Variants in BASP1 observed in about 807,000 individuals in gnomAD.
BASP1 encodes the protein brain abundant membrane attached signal protein 1.
Under a neutral mutation model 2.2 loss-of-function variants are expected in BASP1, and 1 was observed. The ratio of observed to expected loss-of-function variants is 0.46; its 90% CI spans 0.16 to 2.17. BASP1 has a LOEUF of 2.17. BASP1 is among the 30% of genes most tolerant of loss of function. The pLI is 0.27. For missense variants in BASP1, 352 were observed against 327.2 expected, an observed-to-expected ratio of 1.08 and a Z score of -0.58; for synonymous variants, 187 against 154.2, an observed-to-expected ratio of 1.21 and a Z score of -1.58.
At chr5:17,253,610 G>A (rs1384304615) in intron 1 of BASP1, among the ~76,000 whole-genome samples, 1 of 152,158 alleles carries the variant, frequency 6.6e-6, no homozygotes, top group African/African-American at 2.4e-5. Flanking sequence ...GTTTCTTTCT[G>A]TGTAGTCTTG....
intron 1 of BASP1, 56 bp downstream of exon 1, chr5:17,217,866 C>T (rs1445870481): frequency 6.6e-6 from 1 of 151,958 alleles, no homozygotes; most frequent in African/African-American, 2.4e-5. Flanking sequence ...GCCTCCGTCC[C>T]CCACCGCGCC....
At chr5:17,252,467 A>G (rs1740122228) in intron 1 of BASP1, among the ~76,000 whole-genome samples, 2 of 152,162 alleles carry the variant, frequency 1.3e-5, no homozygotes, top group African/African-American at 4.8e-5. Context: ...TGTGCCATGC[A>G]GCAGAAAGGG....
intron 1 of BASP1, among the ~76,000 whole-genome samples, chr5:17,225,655 T>C (rs768922893): frequency 2.0e-5 from 3 of 152,192 alleles, no homozygotes; most frequent in African/African-American, 4.8e-5. Flanking sequence ...TTGGGGGCTA[T>C]AGAGCAAGCG....
At chr5:17,229,891 C>G (rs764929054) in intron 1 of BASP1, among the ~76,000 whole-genome samples, 1 of 150,376 alleles carries the variant, frequency 6.6e-6, no homozygotes, top group Non-Finnish European at 1.5e-5. Flanking sequence ...TCAAGCAGTT[C>G]TCTGCCTCAG....
Position 17,276,243 on chromosome 5 carries a change from C to G in BASP1, c.*343C>G, listed in dbSNP as rs1740660050. 1 of 200,098 alleles carries G rather than the reference C, an allele frequency of 5.0e-6. No homozygotes were observed. The highest frequency in any genetic ancestry group is 6.2e-5 in the Admixed American group (1 of 16,214). 12.4% of individuals were successfully genotyped at this position (200,098 alleles called of 1,614,324 possible). A position where few individuals can be genotyped will look rare whatever the true frequency, so the allele number is the denominator to read the frequency against. ...GTACATCGTTTGTACCTGAAACTGC[C>G]GCCACATGCACTCCTCCACCGCTGA... On this transcript the variant is annotated 3_prime_UTR_variant, in exon 2 of 2. Transcript: ENST00000322611.
intron 1 of BASP1, chr5:17,240,817 T>C (rs948345103): frequency 6.6e-6 from 1 of 152,094 alleles, no homozygotes; most frequent in South Asian, 2.1e-4. Context: ...TGATTCTTTA[T>C]AAATTACCCA....
chr5:17,228,006 G>T (rs1270923408), intron 1 of BASP1, among the ~76,000 whole-genome samples: 1 of 152,206 alleles, frequency 6.6e-6, no homozygotes, highest in Non-Finnish European at 1.5e-5. Flanking sequence ...CCAGAAGGTT[G>T]TTAAGACAAG....
intron 1 of BASP1, among the ~76,000 whole-genome samples, chr5:17,255,996 CA>C (rs1237538112): frequency 2.0e-5 from 3 of 152,092 alleles, no homozygotes; most frequent in Admixed American, 6.6e-5. Context: ...GTCTTTGAAT[CA>C]GAAGGAATTT....
At chr5:17,249,536 C>T (rs1740060098) in intron 1 of BASP1, among the ~76,000 whole-genome samples, 1 of 152,136 alleles carries the variant, frequency 6.6e-6, no homozygotes, top group Admixed American at 6.5e-5. Flanking sequence ...AGGCATTTTC[C>T]TGGCATACAC....
intron 1 of BASP1, among the ~76,000 whole-genome samples, chr5:17,219,541 C>T (rs909621782): frequency 3.3e-5 from 5 of 152,186 alleles, no homozygotes; most frequent in African/African-American, 9.6e-5. Flanking sequence ...TTTCCTGTAA[C>T]ATATCTTACT....
intron 1 of BASP1, among the ~76,000 whole-genome samples, chr5:17,245,337 A>C (rs1220010055): frequency 6.6e-6 from 1 of 151,926 alleles, no homozygotes; most frequent in Non-Finnish European, 1.5e-5. Flanking sequence ...CAGTGTTGAA[A>C]TGTGACATTT....
chr5:17,243,738 T>C (rs1739919286), intron 1 of BASP1, among the ~76,000 whole-genome samples: 1 of 152,228 alleles, frequency 6.6e-6, no homozygotes, highest in Admixed American at 6.5e-5. Context: ...CTTATTTATG[T>C]GTGACTCTCA....
intron 1 of BASP1, among the ~76,000 whole-genome samples, chr5:17,220,385 T>G (rs899058959): frequency 3.3e-5 from 5 of 152,178 alleles, no homozygotes; most frequent in Non-Finnish European, 7.3e-5. Context: ...TATGTTGGAA[T>G]ATAGAACAAA....
In BASP1 at chr5:17,275,971, ATCTCTCTCTCTATCTCCTC is replaced by A; in HGVS notation, c.*82_*100del. On this transcript the variant is annotated 3_prime_UTR_variant, in exon 2 of 2. Transcript: ENST00000322611. This position sits in a 1 kb window ranked among gnomAD's most constrained non-coding sequence, Gnocchi z 5.3. ...TCTCTCTCTCTCTCTCTCTCTCTCTATCTCTCTCTCTATCTCCTCTCTCTCTCTCCTCTCCTATCTCTCC... is the reference window on the plus strand; with the variant it reads ...TCTCTCTCTCTCTCTCTCTCTCTCTATCTCTCTCTCCTCTCCTATCTCTCC... The A allele has an allele frequency of 2.5e-6, 2 of 812,830 alleles. No individual in the cohort carries two copies. Among genetic ancestry groups the A allele is most frequent in the Non-Finnish European group, 3.4e-6 (2 of 585,710 alleles). 50.4% of individuals were successfully genotyped at this position (812,830 alleles called of 1,614,324 possible).
rs759837517 is a variant in BASP1 at position 17,275,322 on chromosome 5, A to G, written c.106A>G (p.Thr36Ala). 2 of 1,610,992 alleles carry G rather than the reference A, an allele frequency of 1.2e-6. No individual in the cohort carries two copies. Among genetic ancestry groups the G allele is most frequent in the Non-Finnish European group, 1.7e-6 (2 of 1,179,134 alleles). Residue 36 changes from threonine to alanine, a missense_variant, in exon 2 of 2, where the codon ACC becomes GCC. By Grantham distance (58) the Thr-to-Ala change is moderately conservative (BLOSUM62 0). Transcript: ENST00000322611. This position sits in a 1 kb window ranked among gnomAD's most constrained non-coding sequence, Gnocchi z 5.3. ...AEGAATEEEGTPKESEPQAAA... is the reference protein window; with the variant it reads ...AEGAATEEEGAPKESEPQAAA... ...GGGCGCGGCGACGGAAGAGGAGGGG[A>G]CCCCGAAGGAGAGTGAGCCCCAGGC...
intron 1 of BASP1, among the ~76,000 whole-genome samples, chr5:17,244,836 T>G (rs1268864361): frequency 6.6e-6 from 1 of 151,022 alleles, no homozygotes; most frequent in African/African-American, 2.4e-5. Flanking sequence ...GGACTACAGA[T>G]GTGCGCCACC....
At chr5:17,271,959 C>G (rs140554013) in intron 1 of BASP1, among the ~76,000 whole-genome samples, 21 of 151,140 alleles carry the variant, frequency 1.4e-4, no homozygotes, top group African/African-American at 4.4e-4. Context: ...CTCAGCTACT[C>G]GGGAGGCTGG....
In BASP1 at chr5:17,271,824, C is replaced by T. The variant is rs190245536; in HGVS notation, c.-9-3384C>T. On this transcript the variant is annotated intron_variant, in intron 1 of 1. Transcript: ENST00000322611. ...GCTCACGCCTGTAATCCCAGCATTT[C>T]GGGAGGCCGAAGTGGGCAGATCACC... 2.3e-3 allele frequency among the ~76,000 whole-genome samples: 343 copies of T among 152,048 alleles called. 3 individuals are homozygous for T. The highest frequency in any genetic ancestry group is 7.1e-3 in the African/African-American group (295 of 41,490).
At chr5:17,246,440 A>G (rs1442219984) in intron 1 of BASP1, among the ~76,000 whole-genome samples, 1 of 152,134 alleles carries the variant, frequency 6.6e-6, no homozygotes, top group Non-Finnish European at 1.5e-5. Flanking sequence ...GTGAGCCGAG[A>G]TGGCACCATT....
Sources: allele counts gnomAD v4.1 joint callset (sites outside exome capture counted in the v4.1 genomes callset), GRCh38; gene constraint gnomAD v4.1.1; non-coding constraint Gnocchi (gnomAD v3.1); transcripts MANE v1.5; gene names NCBI Gene and HGNC (gene_info 2026-07-23, HGNC 2026-07-21).